Variants in VPS13B observed in about 807,000 individuals in gnomAD.
The protein encoded by VPS13B is vacuolar protein sorting 13 homolog B.
A neutral mutation model predicts 426.4 loss-of-function variants in VPS13B; 285 were observed. The observed-to-expected ratio is 0.67, with a 90% CI of 0.61 to 0.74. VPS13B has a LOEUF of 0.74. VPS13B is among the 30% of genes least tolerant of loss of function. VPS13B has a pLI of 0.00. For synonymous variants in VPS13B, 1,676 were observed against 1,676.4 expected, an observed-to-expected ratio of 1.00 and a Z score of 0.01; for missense variants, 4,537 against 4,782.6, an observed-to-expected ratio of 0.95 and a Z score of 1.51.
intron 33 of VPS13B, among the ~76,000 whole-genome samples, chr8:99,620,726 C>T (rs1303515256): frequency 6.6e-6 from 1 of 151,554 alleles, no homozygotes; most frequent in Admixed American, 6.6e-5. Context: ...AATCCCAGCA[C>T]TTTGGGAGGC....
chr8:99,580,002 A>AT (rs1336079492), intron 33 of VPS13B, among the ~76,000 whole-genome samples: 4 of 151,988 alleles, frequency 2.6e-5, no homozygotes, highest in East Asian at 3.9e-4. Flanking sequence ...CTAGCCAACA[A>AT]TTTTTTTAAA....
At chr8:99,573,618 T>G (rs1022958457) in intron 31 of VPS13B, among the ~76,000 whole-genome samples, 10 of 152,068 alleles carry the variant, frequency 6.6e-5, no homozygotes, top group East Asian at 1.9e-4. Flanking sequence ...GTAGATACAC[T>G]GCATTATTTC....
intron 23 of VPS13B, 106 bp downstream of exon 23, chr8:99,442,741 T>A: frequency 1.7e-6 from 2 of 1,200,762 alleles, no homozygotes; most frequent in Non-Finnish European, 2.4e-6. Flanking sequence ...GTCTTCTCAT[T>A]GAAAGATTTT....
intron 17 of VPS13B, among the ~76,000 whole-genome samples, chr8:99,212,668 C>CCTACCTTCTCTTT (rs11272035): frequency 6.6e-6 from 1 of 151,990 alleles, no homozygotes; most frequent in African/African-American, 2.4e-5. Context: ...TTTTTCTCTT[C>CCTACCTTCTCTTT]TTCTTCCTTA....
intron 33 of VPS13B, among the ~76,000 whole-genome samples, chr8:99,624,281 T>C (rs1828505193): frequency 6.6e-6 from 1 of 152,128 alleles, no homozygotes; most frequent in African/African-American, 2.4e-5. Flanking sequence ...TTCCTTGGAA[T>C]GGAAATGGCA....
At chr8:99,766,065 A>AC (rs1811205456) in intron 39 of VPS13B, among the ~76,000 whole-genome samples, 1 of 61,750 alleles carries the variant, frequency 1.6e-5, no homozygotes, top group Non-Finnish European at 3.2e-5. Context: ...CACCTTCATT[A>AC]CTTTTTTTTT....
chr8:99,862,499 A>T (rs575862194), intron 58 of VPS13B, among the ~76,000 whole-genome samples: 3 of 152,368 alleles, frequency 2.0e-5, no homozygotes, highest in Admixed American at 6.5e-5. Context: ...GCATATTTCA[A>T]AATATTACAA....
At chr8:99,078,529 G>T (rs1258510013) in intron 3 of VPS13B, among the ~76,000 whole-genome samples, 4 of 152,016 alleles carry the variant, frequency 2.6e-5, no homozygotes, top group Non-Finnish European at 5.9e-5. Context: ...AGGCAGACTA[G>T]TTCTCAGGCA....
chr8:99,508,120 A>G (rs1821595351), intron 28 of VPS13B, among the ~76,000 whole-genome samples: 2 of 152,212 alleles, frequency 1.3e-5, no homozygotes, highest in African/African-American at 2.4e-5. Context: ...GACTAATTTT[A>G]CCTCAATATA....
intron 3 of VPS13B, among the ~76,000 whole-genome samples, chr8:99,055,535 A>G (rs989690549): frequency 3.9e-5 from 6 of 152,074 alleles, no homozygotes; most frequent in African/African-American, 1.4e-4. Flanking sequence ...ATGCCTTTCT[A>G]TTTATTTAAG....
chr8:99,275,035 A>G, intron 18 of VPS13B, 46 bp from the exon 19 acceptor site: 1 of 1,464,002 alleles, frequency 6.8e-7, no homozygotes, highest in Non-Finnish European at 9.2e-7. Flanking sequence ...TTCTCAAGTG[A>G]CTCATGTTTT....
At chr8:99,613,949 A>G (rs2133879618) in intron 33 of VPS13B, 1 of 152,346 alleles carries the variant, frequency 6.6e-6, no homozygotes, top group South Asian at 2.1e-4. Flanking sequence ...GGAGGTCACC[A>G]TATTGATGCT....
chr8:99,189,153 G>A (rs1389953268), intron 16 of VPS13B, among the ~76,000 whole-genome samples: 3 of 152,138 alleles, frequency 2.0e-5, no homozygotes, highest in African/African-American at 7.2e-5. Context: ...GTTTCACCGT[G>A]TTAGCCAGGA....
At chr8:99,816,812 CTAAA>C (rs1206117155) in intron 44 of VPS13B, among the ~76,000 whole-genome samples, 2 of 151,664 alleles carry the variant, frequency 1.3e-5, no homozygotes, top group African/African-American at 2.4e-5. Context: ...CTAAAAAAAA[CTAAA>C]TAAATAAACT....
intron 39 of VPS13B, among the ~76,000 whole-genome samples, chr8:99,760,654 G>T (rs1171102838): frequency 1.3e-5 from 2 of 151,906 alleles, no homozygotes; most frequent in Non-Finnish European, 2.9e-5. Flanking sequence ...TTAAAATATT[G>T]TACTCAGTGT....
intron 40 of VPS13B, among the ~76,000 whole-genome samples, chr8:99,772,833 T>C (rs1811576349): frequency 6.6e-6 from 1 of 152,080 alleles, no homozygotes; most frequent in Non-Finnish European, 1.5e-5. Flanking sequence ...CTCTCACCTC[T>C]CTCCTGCGTC....
intron 17 of VPS13B, among the ~76,000 whole-genome samples, chr8:99,260,295 T>C (rs942158188): frequency 1.8e-4 from 28 of 152,070 alleles, no homozygotes; most frequent in Non-Finnish European, 2.6e-4. Flanking sequence ...GCAATATTTA[T>C]TGACTTTTTT....
rs368552225 is a variant in VPS13B, at chr8:99,520,918, A to G, written c.4653A>G (p.Glu1551=). The part of the protein sequence containing the change: ...PTVEANQAAK[E]DTVVLKIGSV... ...TTACAGCTAATCAGGCAGCAAAAGA[A>G]GACACTGTGGTTTTGAAGATTGGCT... is the stretch of plus-strand genomic sequence containing the variant. Residue 1551 remains glutamate (E), a synonymous_variant, in exon 30 of 62, where the codon GAA becomes GAG. Coordinates refer to ENST00000357162, the MANE Select transcript of VPS13B (RefSeq NM_152564.5). 3 of 1,613,712 alleles carry G rather than the reference A, an allele frequency of 1.9e-6. No individual in the cohort carries two copies. In the African/African-American group the frequency reaches 4.0e-5, roughly 22 times the overall value.
chr8:99,839,122 G>A lies in VPS13B; in HGVS notation c.9942+3384G>A, dbSNP rs771631707. 2.0e-3 allele frequency among the ~76,000 whole-genome samples: 299 copies of A among 152,320 alleles called. 5 individuals carry two copies. Among genetic ancestry groups the A allele is most frequent in the Non-Finnish European group, 8.2e-4 (56 of 68,034 alleles). ...CTGAACTGCAAAGAATGAGTAGTTT[G>A]AACCCCAGAAAGTGAATTAAAATGA... On this transcript the variant is annotated intron_variant, in intron 54 of 61. Transcript: ENST00000357162.
Sources: gnomAD v4.1 joint callset for allele counts (sites outside exome capture counted in the v4.1 genomes callset) on GRCh38, gnomAD v4.1.1 for gene constraint, MANE v1.5 for transcripts, NCBI Gene and HGNC (gene_info 2026-07-23, HGNC 2026-07-21) for gene names.